Variants in WBP11 observed in about 807,000 individuals in gnomAD.
The protein encoded by WBP11 is WW domain binding protein 11.
A neutral mutation model predicts 66.7 loss-of-function variants in WBP11; 12 were observed. The ratio of observed to expected loss-of-function variants is 0.18; its 90% CI spans 0.12 to 0.29. WBP11 has a LOEUF of 0.29. Ranked by LOEUF, WBP11 falls within the 10% of genes least tolerant of loss-of-function variation. The pLI is 1.00. For synonymous variants in WBP11, 255 were observed against 273.8 expected (o/e 0.93, Z 0.68); for missense variants, 555 against 818.3 (o/e 0.68, Z 3.93).
At chr12:14,795,539 G>A (rs1949883642) in intron 5 of WBP11, among the ~76,000 whole-genome samples, 2 of 152,080 alleles carry the variant, frequency 1.3e-5, no homozygotes, top group South Asian at 4.2e-4. Flanking sequence ...AGACCAGCCT[G>A]GCCAATATGG....
At chr12:14,800,807 T>C in intron 2 of WBP11, 24 bp from the exon 3 acceptor site, 1 of 1,578,780 alleles carries the variant, frequency 6.3e-7, no homozygotes, top group Non-Finnish European at 8.6e-7. Flanking sequence ...GAGGGAGATA[T>C]AATAAAATCT....
intron 4 of WBP11, among the ~76,000 whole-genome samples, chr12:14,798,694 T>C: frequency 6.6e-6 from 1 of 152,120 alleles, no homozygotes; most frequent in African/African-American, 2.4e-5. Context: ...TTTTTTTTTG[T>C]ACCCCATTTA....
rs1949748357 is a variant in WBP11, at chr12:14,785,845, T to G, written c.*1220A>C. On this transcript the variant is annotated 3_prime_UTR_variant, in exon 12 of 12. Coordinates refer to ENST00000261167, the MANE Select transcript of WBP11 (RefSeq NM_016312.3). ...TTTGGATCACTGGATAAATCACGAG[T>G]CCTTTTTAAGTTTCAATACTCTCTA... 6.6e-6 allele frequency: 1 copy of G among 152,156 alleles called. No individual in the cohort carries two copies. The highest frequency in any genetic ancestry group is 6.5e-5 in the Admixed American group (1 of 15,272). 9.4% of individuals were successfully genotyped at this position (152,156 alleles called of 1,614,324 possible). A position where few individuals can be genotyped will look rare whatever the true frequency, so the allele number is the denominator to read the frequency against.
Position 14,790,559 on chromosome 12 carries a change from T to TA in WBP11, c.1205dup (p.Gln403ThrfsTer146). The TA allele has an allele frequency of 6.2e-7, 1 of 1,613,980 alleles. No individual in the cohort carries two copies. The stretch of plus-strand genomic sequence containing the variant: ...GTGGTCCTGGCATGGGAGGTGCTTG[T>TA]ATCTGAGAAGGAGGAACAGACTGCG... On this transcript the variant is annotated frameshift_variant, in exon 10 of 12. Coordinates refer to ENST00000261167, the MANE Select transcript of WBP11 (RefSeq NM_016312.3). LOFTEE classifies it high-confidence loss of function.
chr12:14,787,621 G>A (rs1949768698), intron 11 of WBP11, 123 bp from the exon 12 acceptor site: 16 of 897,386 alleles, frequency 1.8e-5, no homozygotes, highest in Non-Finnish European at 2.4e-5. Flanking sequence ...CAGAAAATAA[G>A]CTGAATTCAT....
chr12:14,801,665 CTCAAG>C (rs1180362316), intron 1 of WBP11, among the ~76,000 whole-genome samples: 1 of 152,132 alleles, frequency 6.6e-6, no homozygotes, highest in Non-Finnish European at 1.5e-5. Context: ...TTTGAATATC[CTCAAG>C]TCATCAGTTT....
chr12:14,798,577 A>C (rs556712579), intron 4 of WBP11, among the ~76,000 whole-genome samples: 5 of 152,306 alleles, frequency 3.3e-5, no homozygotes, highest in Non-Finnish European at 5.9e-5. Flanking sequence ...GAACTGGGAA[A>C]TATCTGGGAT....
chr12:14,792,161 A>G (rs1261745031), intron 8 of WBP11, among the ~76,000 whole-genome samples: 1 of 152,180 alleles, frequency 6.6e-6, no homozygotes, highest in Non-Finnish European at 1.5e-5. Flanking sequence ...AGGAAAAAAA[A>G]TACAAGCAAG....
intron 8 of WBP11, among the ~76,000 whole-genome samples, chr12:14,791,749 A>G (rs1565672381): frequency 6.6e-6 from 1 of 152,244 alleles, no homozygotes; most frequent in Non-Finnish European, 1.5e-5. Context: ...AAATGTCATC[A>G]ACCAACCAGT....
At chr12:14,790,969 CAA>C (rs1949815230) in intron 9 of WBP11, among the ~76,000 whole-genome samples, 198 bp downstream of exon 9, 1 of 152,124 alleles carries the variant, frequency 6.6e-6, no homozygotes, top group Non-Finnish European at 1.5e-5. Flanking sequence ...CCAGACAGAC[CAA>C]TATTTAAATG....
intron 8 of WBP11, among the ~76,000 whole-genome samples, chr12:14,792,385 T>C (rs1428165728): frequency 6.6e-6 from 1 of 152,194 alleles, no homozygotes; most frequent in Non-Finnish European, 1.5e-5. Flanking sequence ...GGAGAATAGT[T>C]CCATGTGAAC....
Position 14,789,109 on chromosome 12 carries a change from G to A in WBP11, c.1334C>T (p.Pro445Leu). 6.5e-7 allele frequency: 1 copy of A among 1,530,580 alleles called. No individual in the cohort carries two copies. The highest frequency in any genetic ancestry group is 8.7e-7 in the Non-Finnish European group (1 of 1,149,876). 94.8% of individuals were successfully genotyped at this position (1,530,580 alleles called of 1,614,324 possible). A position where few individuals can be genotyped will look rare whatever the true frequency, so the allele number is the denominator to read the frequency against. The part of the protein sequence containing the change: ...PPGAPPFLRP[P>L]GMPGLRGPLP... ...GGGCCCTCGGAGTCCTGGCATTCCA[G>A]GTGGTCTCAGGAATGGAGGAGCTCC... The change falls in exon 11 of 12, where the codon CCT becomes CTT. Residue 445 changes from proline (P) to leucine (L), a missense_variant. Pro to Leu is a moderately conservative substitution (Grantham distance 98). Transcript: ENST00000261167.
In WBP11 at chr12:14,794,039, C is replaced by CAAA. The variant is rs34287115; in HGVS notation, c.722-120_722-118dup. 2.8e-3 allele frequency: 936 copies of CAAA among 330,670 alleles called. 3 individuals carry two copies. Among genetic ancestry groups the CAAA allele is most frequent in the Middle Eastern group, 4.8e-3 (5 of 1,036 alleles). The allele number at this position is 330,670 out of a possible 1,614,324, so 20.5% of individuals were successfully genotyped here. A position where few individuals can be genotyped will look rare whatever the true frequency, so the allele number is the denominator to read the frequency against. On this transcript the variant is annotated intron_variant, in intron 7 of 11. Transcript: ENST00000261167. Reference sequence around the variant, plus strand: ...CAGACTGTAACAACTTAATTCTTACCAAAAAAAAAAAAAAAAAATTCTTGT... The same window carrying CAAA: ...CAGACTGTAACAACTTAATTCTTACCAAAAAAAAAAAAAAAAAAAAATTCTTGT...
intron 9 of WBP11, 83 bp from the exon 10 acceptor site, chr12:14,790,832 T>C (rs1949813219): frequency 3.9e-6 from 5 of 1,297,938 alleles, no homozygotes; most frequent in Non-Finnish European, 4.2e-6. Flanking sequence ...ATACACATGG[T>C]TAATAAATGT....
chr12:14,786,159 A>G lies in WBP11; in HGVS notation c.*906T>C, dbSNP rs1949751627. 1 of 152,236 alleles carries G rather than the reference A, an allele frequency of 6.6e-6. No individual in the cohort carries two copies. Among genetic ancestry groups the G allele is most frequent in the Non-Finnish European group, 1.5e-5 (1 of 68,028 alleles). 9.4% of individuals were successfully genotyped at this position (152,236 alleles called of 1,614,324 possible). A position where few individuals can be genotyped will look rare whatever the true frequency, so the allele number is the denominator to read the frequency against. On this transcript the variant is annotated 3_prime_UTR_variant, in exon 12 of 12. Coordinates refer to ENST00000261167, the MANE Select transcript of WBP11 (RefSeq NM_016312.3). ...AAAATGGTTTAAAATGACTTTTGCC[A>G]TTCAACTCGTATCAGTTCAAGAAGC...
At position 14,794,957 on chromosome 12, in the gene WBP11, C is replaced by T. The variant is rs950538049; in HGVS notation, c.521+14G>A. ...TTTACTAAATGCTCTCTGATTGTGA[C>T]ACTGCTTCCTTACCCATAGGCTGAG... On this transcript the variant is annotated intron_variant, in intron 6 of 11. Transcript: ENST00000261167. 1 of 1,611,994 alleles carries T rather than the reference C, an allele frequency of 6.2e-7. No individual in the cohort carries two copies. Among genetic ancestry groups the T allele is most frequent in the Non-Finnish European group, 8.5e-7 (1 of 1,179,930 alleles).
chr12:14,789,833 T>C (rs1333475445), intron 10 of WBP11, among the ~76,000 whole-genome samples: 1 of 152,158 alleles, frequency 6.6e-6, no homozygotes, highest in East Asian at 1.9e-4. Context: ...TGACATAAAA[T>C]AGGTAACTTT....
intron 3 of WBP11, 86 bp from the exon 4 acceptor site, chr12:14,799,814 C>T: frequency 7.1e-6 from 9 of 1,265,592 alleles, no homozygotes; most frequent in Non-Finnish European, 9.7e-6. Flanking sequence ...AACAGAATAA[C>T]TCCTTGGCTT....
intron 4 of WBP11, 59 bp downstream of exon 4, chr12:14,799,576 T>C (rs779628241): frequency 6.5e-7 from 1 of 1,527,226 alleles, no homozygotes; most frequent in Non-Finnish European, 9.0e-7. Flanking sequence ...GCTTCACTCG[T>C]TACCTGCCTG....
Sources: gnomAD v4.1 joint callset for allele counts (sites outside exome capture counted in the v4.1 genomes callset) on GRCh38, gnomAD v4.1.1 for gene constraint, MANE v1.5 for transcripts, NCBI Gene and HGNC (gene_info 2026-07-23, HGNC 2026-07-21) for gene names.